The following ANKRD33B variants were observed in gnomAD, a reference collection of about 807,000 sequenced individuals.
ANKRD33B encodes the protein ankyrin repeat domain 33B.
A neutral mutation model predicts 21.5 loss-of-function variants in ANKRD33B; 6 were observed. That is an observed-to-expected ratio of 0.28 (90% CI 0.15 to 0.55). The LOEUF (loss-of-function observed/expected upper bound fraction) is 0.55, where lower values mean the gene tolerates loss of function less well. ANKRD33B is among the 20% of genes least tolerant of loss of function. ANKRD33B has a pLI of 0.94. For synonymous variants in ANKRD33B, 347 were observed against 342.4 expected (o/e 1.01, Z -0.15); for missense variants, 698 against 747.2 (o/e 0.93, Z 0.77).
chr5:10,585,178 G>A (rs1030629227), intron 1 of ANKRD33B, among the ~76,000 whole-genome samples: 2 of 152,324 alleles, frequency 1.3e-5, no homozygotes, highest in Admixed American at 1.3e-4. Flanking sequence ...CTCTGCTGGC[G>A]TCGTGTTGAA....
In ANKRD33B at chr5:10,579,953, A is replaced by C. The variant is rs1735408122; in HGVS notation, c.366+15120A>C. Reference sequence around the variant, plus strand: ...GAACATTTTCATCAATTCAGAAAGAACCACATACCTTTTAGCTTTTACCCT... The same window carrying C: ...GAACATTTTCATCAATTCAGAAAGACCCACATACCTTTTAGCTTTTACCCT... On this transcript the variant is annotated intron_variant, in intron 1 of 3. Transcript: ENST00000296657. Among the ~76,000 whole-genome samples, 5 of 152,340 alleles carry C rather than the reference A, an allele frequency of 3.3e-5. No individual in the cohort carries two copies. The South Asian group carries it at 1.0e-3, about 32-fold the overall frequency.
intron 1 of ANKRD33B, among the ~76,000 whole-genome samples, chr5:10,581,510 G>T (rs1013968260): frequency 4.6e-5 from 7 of 152,164 alleles, no homozygotes; most frequent in African/African-American, 1.4e-4. Flanking sequence ...GTCTCCCCTG[G>T]ATGGTCTGGT....
chr5:10,638,541 G>A (rs1355502147), intron 3 of ANKRD33B, among the ~76,000 whole-genome samples: 1 of 152,250 alleles, frequency 6.6e-6, no homozygotes, highest in African/African-American at 2.4e-5. Context: ...TGGGCGTAGG[G>A]ATGGTGGGAA....
chr5:10,589,403 C>G (rs575729684), intron 1 of ANKRD33B, among the ~76,000 whole-genome samples: 1 of 152,334 alleles, frequency 6.6e-6, no homozygotes, highest in Non-Finnish European at 1.5e-5. Flanking sequence ...GCCTCACCAT[C>G]TCACTTAACA....
intron 1 of ANKRD33B, among the ~76,000 whole-genome samples, chr5:10,568,230 A>G (rs1735101761): frequency 6.6e-6 from 1 of 152,234 alleles, no homozygotes; most frequent in Non-Finnish European, 1.5e-5. Context: ...ATAATTGCCC[A>G]ATAACATTCA....
intron 1 of ANKRD33B, among the ~76,000 whole-genome samples, chr5:10,574,293 T>G (rs1278846566): frequency 6.6e-6 from 1 of 152,260 alleles, no homozygotes; most frequent in Non-Finnish European, 1.5e-5. Flanking sequence ...GGAGAAAAAT[T>G]TCACATGGTT....
rs1482954396 is a variant in ANKRD33B at position 10,657,736 on chromosome 5, T to TA, written c.*7629dup. The stretch of plus-strand genomic sequence containing the variant: ...TCTAACAAATTATGTATCTAATGTT[T>TA]AAAAAATATGGAAAAAAGGGATAAT... On this transcript the variant is annotated 3_prime_UTR_variant, in exon 4 of 4. Coordinates refer to ENST00000296657, the MANE Select transcript of ANKRD33B (RefSeq NM_001164440.2). 6.6e-6 allele frequency: 1 copy of TA among 152,344 alleles called. No homozygotes were observed. Among genetic ancestry groups the TA allele is most frequent in the East Asian group, 1.9e-4 (1 of 5,334 alleles). The allele number at this position is 152,344 out of a possible 1,614,324, so 9.4% of individuals were successfully genotyped here. A position where few individuals can be genotyped will look rare whatever the true frequency, so the allele number is the denominator to read the frequency against.
intron 3 of ANKRD33B, among the ~76,000 whole-genome samples, chr5:10,641,435 G>C (rs982239945): frequency 4.2e-4 from 64 of 151,768 alleles, no homozygotes; most frequent in Admixed American, 5.3e-4. Flanking sequence ...CACCATGTTG[G>C]CCAGGTTGGT....
chr5:10,649,652 G>A lies in ANKRD33B; in HGVS notation c.1024G>A (p.Val342Met), dbSNP rs1389410613. The A allele has an allele frequency of 3.3e-6, 5 of 1,530,662 alleles. No individual in the cohort carries two copies. Among genetic ancestry groups the A allele is most frequent in the Non-Finnish European group, 3.5e-6 (4 of 1,144,594 alleles). 94.8% of individuals were successfully genotyped at this position (1,530,662 alleles called of 1,614,324 possible). A position where few individuals can be genotyped will look rare whatever the true frequency, so the allele number is the denominator to read the frequency against. Residue 342 changes from valine to methionine, a missense_variant, in exon 4 of 4, where the codon GTG becomes ATG. Physicochemically the swap from Val to Met is conservative, Grantham distance 21. Transcript: ENST00000296657. ...PPSVGKRRLA[V>M]QEILAARAAR... ...GAGCGTGGGGAAGAGGCGGCTGGCGGTGCAGGAGATCCTGGCGGCGCGGGC... is the reference window on the plus strand; with the variant it reads ...GAGCGTGGGGAAGAGGCGGCTGGCGATGCAGGAGATCCTGGCGGCGCGGGC...
At chr5:10,614,744 G>A (rs181944989) in intron 1 of ANKRD33B, among the ~76,000 whole-genome samples, 194 of 152,236 alleles carry the variant, frequency 1.3e-3, no homozygotes, top group African/African-American at 3.8e-3. Context: ...AAAATTAGCC[G>A]GGCTTGGTGG....
chr5:10,623,145 C>T (rs554955256), intron 2 of ANKRD33B, among the ~76,000 whole-genome samples: 3 of 152,268 alleles, frequency 2.0e-5, no homozygotes, highest in Non-Finnish European at 2.9e-5. Flanking sequence ...AAGGTGGCCT[C>T]GGGAGCTTAG....
intron 2 of ANKRD33B, among the ~76,000 whole-genome samples, chr5:10,637,463 C>CACACACACAT (rs1385919554): frequency 8.8e-6 from 1 of 113,844 alleles, no homozygotes; most frequent in East Asian, 3.1e-4. Flanking sequence ...CACACACACA[C>CACACACACAT]GGCGGCGGGG....
At chr5:10,637,413 C>G (rs61527744) in intron 2 of ANKRD33B, among the ~76,000 whole-genome samples, 59,934 of 129,992 alleles carry the variant, frequency 0.46, 12,875 homozygotes, top group Middle Eastern at 0.63. Flanking sequence ...TGTGTGTGGG[C>G]GTAGGTAGTT....
intron 3 of ANKRD33B, 84 bp downstream of exon 3, chr5:10,638,252 A>G (rs6889196): frequency 0.44 from 631,041 of 1,434,886 alleles, 140,240 homozygotes; most frequent in Middle Eastern, 0.56. Flanking sequence ...GAGATTAATC[A>G]CTCCCATAGA....
chr5:10,569,316 G>C (rs1735125565), intron 1 of ANKRD33B, among the ~76,000 whole-genome samples: 1 of 152,216 alleles, frequency 6.6e-6, no homozygotes, highest in Admixed American at 6.5e-5. Context: ...TGTATGTTAG[G>C]CTGGGCGTGG....
intron 1 of ANKRD33B, among the ~76,000 whole-genome samples, chr5:10,612,080 CTA>C (rs1736183664): frequency 6.6e-6 from 1 of 152,164 alleles, no homozygotes; most frequent in African/African-American, 2.4e-5. Context: ...CACCATTTTT[CTA>C]TGATATGTTG....
At chr5:10,631,082 G>A (rs1736700507) in intron 2 of ANKRD33B, among the ~76,000 whole-genome samples, 2 of 152,166 alleles carry the variant, frequency 1.3e-5, no homozygotes, top group Non-Finnish European at 2.9e-5. Context: ...AGTATTTTTA[G>A]GTTTTAGGGA....
chr5:10,614,679 G>A (rs1367917688), intron 1 of ANKRD33B, among the ~76,000 whole-genome samples: 1 of 150,924 alleles, frequency 6.6e-6, no homozygotes, highest in Non-Finnish European at 1.5e-5. Context: ...TCGAGGTCAG[G>A]AGTTTGAGAC....
intron 1 of ANKRD33B, among the ~76,000 whole-genome samples, chr5:10,591,195 G>GTTTTTTT (rs112409223): frequency 5.3e-5 from 7 of 132,074 alleles, no homozygotes; most frequent in African/African-American, 1.4e-4. Context: ...TTTTTTAGTG[G>GTTTTTTT]TTTTTTTTTT....
Sources: gnomAD v4.1 joint callset for allele counts (sites outside exome capture counted in the v4.1 genomes callset) on GRCh38, gnomAD v4.1.1 for gene constraint, MANE v1.5 for transcripts, NCBI Gene and HGNC (gene_info 2026-07-23, HGNC 2026-07-21) for gene names.